Variants in BGN observed in about 807,000 individuals in gnomAD.
BGN encodes biglycan, also known as bone/cartilage proteoglycan-I.
In BGN, 6 loss-of-function variants were observed where a neutral mutation model predicts 20.0. That is an observed-to-expected ratio of 0.30 (90% CI 0.16 to 0.59). The LOEUF (loss-of-function observed/expected upper bound fraction) is 0.59, where lower values mean the gene tolerates loss of function less well. BGN is among the 20% of genes least tolerant of loss of function. The pLI is 0.88. For synonymous variants in BGN, 146 were observed against 134.6 expected, an observed-to-expected ratio of 1.08 and a Z score of -0.59; for missense variants, 292 against 312.1, an observed-to-expected ratio of 0.94 and a Z score of 0.49.
At chrX:153,501,561 TC>T (rs2089760893) in intron 1 of BGN, among the ~76,000 whole-genome samples, 1 of 112,681 alleles carries the variant, frequency 8.9e-6, no homozygotes, top group Non-Finnish European at 1.9e-5. Context: ...ATCCTATCCT[TC>T]CCCCCAGGCT....
chrX:153,506,056 T>C lies in BGN; in HGVS notation c.545T>C (p.Leu182Pro). 1 of 1,211,015 alleles carries C rather than the reference T, an allele frequency of 8.3e-7. No individual in the cohort carries two copies. Among genetic ancestry groups the C allele is most frequent in the Non-Finnish European group, 1.1e-6 (1 of 894,980 alleles). ...RKVPKGVFSG[L>P]RNMNCIEMGG... ...GTGCCCAAGGGAGTGTTCAGCGGGC[T>C]CCGGAACATGAACTGCATCGGTGAG... The change falls in exon 4 of 8, where the codon CTC (leucine) becomes CCC (proline). Residue 182 changes from leucine (L) to proline (P), a missense_variant. Leu to Pro is a moderately conservative substitution (Grantham distance 98). Coordinates refer to ENST00000331595, the MANE Select transcript of BGN (RefSeq NM_001711.6).
intron 1 of BGN, among the ~76,000 whole-genome samples, chrX:153,503,761 C>G (rs1052165906): frequency 1.8e-5 from 2 of 111,757 alleles, no homozygotes; most frequent in Admixed American, 1.9e-4. Flanking sequence ...GCCACCCTGG[C>G]GGCAGCCTGC....
Position 153,506,570 on chromosome X carries a change from G to A in BGN, c.607G>A (p.Gly203Arg). The A allele has an allele frequency of 8.3e-7, 1 of 1,211,305 alleles. No individual in the cohort carries two copies. The highest frequency in any genetic ancestry group is 1.1e-6 in the Non-Finnish European group (1 of 895,394). Residue 203 changes from glycine (G) to arginine (R), a missense_variant, in exon 5 of 8, where the codon GGA (glycine) becomes AGA (arginine). Gly to Arg is a moderately radical substitution (Grantham distance 125). Transcript: ENST00000331595. ...NPLENSGFEP[G>R]AFDGLKLNYL... is the part of the protein sequence containing the mutation. ...ACTGGAGAACAGTGGCTTTGAACCT[G>A]GAGCCTTCGATGGCCTGAAGCTCAA...
chrX:153,496,991 G>A (rs999131432), intron 1 of BGN, among the ~76,000 whole-genome samples: 8 of 45,119 alleles, frequency 1.8e-4, no homozygotes, highest in African/African-American at 7.0e-4. Context: ...CAGCCTGCCC[G>A]GGAGTCACAT....
rs782405568 is a variant in BGN, at chrX:153,504,845, C to T, written c.214C>T (p.Arg72Trp). Residue 72 changes from arginine (R) to tryptophan (W), a missense_variant, in exon 2 of 8, where the codon CGG becomes TGG. Physicochemically the swap from Arg to Trp is moderately radical, Grantham distance 101 (BLOSUM62 -3). Coordinates refer to ENST00000331595, the MANE Select transcript of BGN (RefSeq NM_001711.6). Reference sequence around the variant, plus strand: ...TCCTTTCGGCTGCCACTGCCACCTGCGGGTGGTTCAGTGCTCCGACCTGGG... The same window carrying T: ...TCCTTTCGGCTGCCACTGCCACCTGTGGGTGGTTCAGTGCTCCGACCTGGG... Reference protein sequence around the residue: ...MCPFGCHCHLRVVQCSDLGLK... With the variant: ...MCPFGCHCHLWVVQCSDLGLK... 9 of 1,206,781 alleles carry T rather than the reference C, an allele frequency of 7.5e-6. No individual in the cohort carries two copies. Among genetic ancestry groups the T allele is most frequent in the South Asian group, 3.5e-5 (2 of 56,654 alleles).
At chrX:153,506,678 C>G in intron 5 of BGN, 39 bp downstream of exon 5, 1 of 1,177,152 alleles carries the variant, frequency 8.5e-7, no homozygotes. Flanking sequence ...GCCTGCCTCA[C>G]CCCCAACAGC....
Position 153,508,753 on chromosome X carries a change from A to C in BGN, c.*308A>C. 5.6e-6 allele frequency: 2 copies of C among 357,792 alleles called. No homozygotes were observed. The highest frequency in any genetic ancestry group is 9.8e-6 in the Non-Finnish European group (2 of 203,129). 29.5% of individuals were successfully genotyped at this position (357,792 alleles called of 1,213,427 possible). A position where few individuals can be genotyped will look rare whatever the true frequency, so the allele number is the denominator to read the frequency against. On this transcript the variant is annotated 3_prime_UTR_variant, in exon 8 of 8. Coordinates refer to ENST00000331595, the MANE Select transcript of BGN (RefSeq NM_001711.6). ...TTTTTCTCGTTCACTCCCAAACCCA[A>C]GTGTCCAAGGCTCCAGTCCTAGGAG...
chrX:153,506,750 C>T (rs1380971797), intron 5 of BGN, 80 bp from the exon 6 acceptor site: 10 of 1,144,488 alleles, frequency 8.7e-6, no homozygotes, highest in Non-Finnish European at 1.1e-5. Flanking sequence ...GCTCAACAGT[C>T]CCCTCCCGCC....
Position 153,504,534 on chromosome X carries a change from T to C in BGN, c.-11-87T>C, listed in dbSNP as rs782705226. On this transcript the variant is annotated intron_variant, in intron 1 of 7. Transcript: ENST00000331595. ...TCCCTGGTGAGGGATGGGAACGCAG[T>C]GCCACCACACACGCGGAACACCAGC... 3.5e-4 allele frequency: 286 copies of C among 811,165 alleles called. No individual in the cohort carries two copies. In the African/African-American group the frequency reaches 5.4e-3, roughly 15 times the overall value. 66.8% of individuals were successfully genotyped at this position (811,165 alleles called of 1,213,427 possible).
chrX:153,505,754 C>G (rs889559913), intron 3 of BGN, 109 bp from the exon 4 acceptor site: 2 of 584,071 alleles, frequency 3.4e-6, no homozygotes, highest in Admixed American at 7.5e-5. Context: ...CAAGCATGGA[C>G]TGAACCTCCT....
In BGN at chrX:153,509,061, CTGTGTGTGTGTGTG is replaced by C. The variant is rs60374028; in HGVS notation, c.*648_*661del. The C allele has an allele frequency of 1.8e-4, 15 of 84,021 alleles. No individual in the cohort carries two copies. The highest frequency in any genetic ancestry group is 6.1e-3 in the Middle Eastern group (1 of 165). 6.9% of individuals were successfully genotyped at this position (84,021 alleles called of 1,213,427 possible). ...TCTCTCTCTCTCTCTCTCTCTCTTTCTGTGTGTGTGTGTGTGTGTGTGTGTGTGTGTGTGTGTGT... is the reference window on the plus strand; with the variant it reads ...TCTCTCTCTCTCTCTCTCTCTCTTTCTGTGTGTGTGTGTGTGTGTGTGTGT... On this transcript the variant is annotated 3_prime_UTR_variant, in exon 8 of 8. Coordinates refer to ENST00000331595, the MANE Select transcript of BGN (RefSeq NM_001711.6).
intron 1 of BGN, among the ~76,000 whole-genome samples, chrX:153,503,367 C>T (rs782820346): frequency 2.7e-5 from 3 of 112,410 alleles, no homozygotes; most frequent in African/African-American, 6.4e-5. Context: ...GTCTCCTGGG[C>T]GTGCGACTGC....
rs1466883189 is a variant in BGN at position 153,508,654 on chromosome X, C to T, written c.*209C>T. 1.5e-5 allele frequency: 7 copies of T among 464,291 alleles called. No homozygotes were observed. The African/African-American group carries it at 1.7e-4, about 11-fold the overall frequency. 38.3% of individuals were successfully genotyped at this position (464,291 alleles called of 1,213,427 possible). A position where few individuals can be genotyped will look rare whatever the true frequency, so the allele number is the denominator to read the frequency against. ...GCAGGTGGGCGCAAGGCCCGGCCCC[C>T]ATCACATGTTCCCTTGGCCTCAGAG... On this transcript the variant is annotated 3_prime_UTR_variant, in exon 8 of 8. Coordinates refer to ENST00000331595, the MANE Select transcript of BGN (RefSeq NM_001711.6).
intron 1 of BGN, among the ~76,000 whole-genome samples, chrX:153,496,584 A>G (rs7887819): frequency 0.32 from 35,541 of 111,311 alleles, 4,574 homozygotes; most frequent in Non-Finnish European, 0.41. Context: ...GAGGGCTCCC[A>G]TGGCAAGCTG....
chrX:153,500,713 A>G (rs1034187695), intron 1 of BGN, among the ~76,000 whole-genome samples: 4 of 104,445 alleles, frequency 3.8e-5, no homozygotes, highest in African/African-American at 1.0e-4. Flanking sequence ...GTATGTATGT[A>G]TGTGTGCATG....
chrX:153,502,865 C>T (rs1289883754), intron 1 of BGN, among the ~76,000 whole-genome samples: 2 of 112,660 alleles, frequency 1.8e-5, no homozygotes, highest in Admixed American at 9.3e-5. Context: ...GGGCTGGCTG[C>T]GGAAAGGCCA....
intron 1 of BGN, among the ~76,000 whole-genome samples, chrX:153,503,238 C>T (rs1556992266): frequency 8.9e-6 from 1 of 112,231 alleles, no homozygotes; most frequent in Admixed American, 9.3e-5. Context: ...GGGGCAGAGC[C>T]CCCACCTCCC....
chrX:153,505,882 A>G lies in BGN; in HGVS notation c.371A>G (p.Asn124Ser), dbSNP rs1569532387. 4 of 1,211,358 alleles carry G rather than the reference A, an allele frequency of 3.3e-6. No individual in the cohort carries two copies. Among genetic ancestry groups the G allele is most frequent in the East Asian group, 3.0e-5 (1 of 33,819 alleles). Reference protein sequence around the residue: ...QHLYALVLVNNKISKIHEKAF... With the variant: ...QHLYALVLVNSKISKIHEKAF... ...CTTCAGGCCCTCGTCCTGGTGAACA[A>G]CAAGATCTCCAAGATCCATGAGAAG... Residue 124 changes from asparagine to serine, a missense_variant, in exon 4 of 8, where the codon AAC becomes AGC. Coordinates refer to ENST00000331595, the MANE Select transcript of BGN (RefSeq NM_001711.6).
At chrX:153,504,480 T>C in intron 1 of BGN, 141 bp from the exon 2 acceptor site, 1 of 515,696 alleles carries the variant, frequency 1.9e-6, no homozygotes, top group Non-Finnish European at 3.1e-6. Context: ...CACTCCGCCC[T>C]CTCCGCCTCC....
Sources: allele counts gnomAD v4.1 joint callset (sites outside exome capture counted in the v4.1 genomes callset), GRCh38; gene constraint gnomAD v4.1.1; transcripts MANE v1.5; gene names NCBI Gene and HGNC (gene_info 2026-07-23, HGNC 2026-07-21).